The following PVT1 variants were observed in gnomAD, a reference collection of about 807,000 sequenced individuals.
PVT1 encodes CXCR4/PVT1 fusion.
chr8:128,045,850 G>A (rs538100687), intron 4 of PVT1, among the ~76,000 whole-genome samples: 2 of 152,322 alleles, frequency 1.3e-5, no homozygotes, highest in East Asian at 3.9e-4. Context: ...TTCTAAGACT[G>A]GGTTGAAGCT....
intron 3 of PVT1, among the ~76,000 whole-genome samples, chr8:127,923,556 T>G (rs1816090975): frequency 6.6e-6 from 1 of 152,194 alleles, no homozygotes; most frequent in African/African-American, 2.4e-5. Context: ...CAGGATCTTC[T>G]ATTGGCAGAG....
chr8:128,043,478 C>T (rs1156489514), intron 4 of PVT1, among the ~76,000 whole-genome samples: 1 of 152,118 alleles, frequency 6.6e-6, no homozygotes, highest in Non-Finnish European at 1.5e-5. Context: ...TCACAAGATG[C>T]TGTTGCCTAG....
At chr8:127,827,062 C>G (rs1350726734) in intron 2 of PVT1, among the ~76,000 whole-genome samples, 2 of 147,524 alleles carry the variant, frequency 1.4e-5, no homozygotes, top group Non-Finnish European at 3.0e-5. Context: ...GTGGCACCAT[C>G]TTGGCTCACC....
intron 3 of PVT1, among the ~76,000 whole-genome samples, chr8:127,943,435 T>C (rs1275356397): frequency 6.6e-6 from 1 of 152,192 alleles, no homozygotes; most frequent in Non-Finnish European, 1.5e-5. Context: ...ATCAAGACCA[T>C]GAAGAAATTG....
intron 2 of PVT1, among the ~76,000 whole-genome samples, chr8:127,882,196 C>A (rs1462283989): frequency 6.6e-6 from 1 of 152,082 alleles, no homozygotes; most frequent in Admixed American, 6.6e-5. Flanking sequence ...GTGAGTGTGA[C>A]GGGAGCAGGC....
intron 3 of PVT1, among the ~76,000 whole-genome samples, chr8:127,938,576 G>A (rs907288074): frequency 1.3e-5 from 2 of 152,172 alleles, no homozygotes; most frequent in African/African-American, 2.4e-5. Flanking sequence ...GAACGCAAAT[G>A]TAAGATCCCT....
intron 4 of PVT1, among the ~76,000 whole-genome samples, chr8:127,992,304 T>G (rs1041003831): frequency 2.0e-5 from 3 of 152,224 alleles, no homozygotes; most frequent in African/African-American, 7.2e-5. Flanking sequence ...AAGAGTCACT[T>G]GAAACTGGGA....
At chr8:128,032,468 T>C (rs373120100) in intron 4 of PVT1, among the ~76,000 whole-genome samples, 4 of 152,368 alleles carry the variant, frequency 2.6e-5, no homozygotes, top group Non-Finnish European at 4.4e-5. Context: ...CTACCATTCA[T>C]TGAGTTAAGA....
At chr8:127,883,439 A>C (rs1815491871) in intron 2 of PVT1, among the ~76,000 whole-genome samples, 1 of 151,996 alleles carries the variant, frequency 6.6e-6, no homozygotes, top group Non-Finnish European at 1.5e-5. Flanking sequence ...CAGCTAGTGG[A>C]AATACCTGGT....
intron 3 of PVT1, among the ~76,000 whole-genome samples, chr8:127,986,242 T>C (rs1816968996): frequency 6.6e-6 from 1 of 152,166 alleles, no homozygotes; most frequent in African/African-American, 2.4e-5. Context: ...GGAGAACAGA[T>C]GTTAACACAG....
chr8:127,902,425 CT>C (rs777284762), intron 3 of PVT1, among the ~76,000 whole-genome samples: 3,545 of 130,704 alleles, frequency 0.027, 106 homozygotes, highest in African/African-American at 0.071. Flanking sequence ...GTTCTATTTT[CT>C]TTTTTTTTTT....
chr8:127,940,623 G>C, intron 3 of PVT1, among the ~76,000 whole-genome samples: 1 of 151,610 alleles, frequency 6.6e-6, no homozygotes, highest in Non-Finnish European at 1.5e-5. Context: ...GCAGTGTTGA[G>C]ACAGAGTCTT....
At chr8:127,907,497 G>C (rs928079509) in intron 3 of PVT1, among the ~76,000 whole-genome samples, 1 of 152,196 alleles carries the variant, frequency 6.6e-6, no homozygotes, top group Non-Finnish European at 1.5e-5. Flanking sequence ...CATCAGCCGT[G>C]CTGGCCAGCA....
intron 3 of PVT1, among the ~76,000 whole-genome samples, chr8:127,955,345 T>A (rs1340973800): frequency 1.3e-5 from 2 of 152,214 alleles, no homozygotes; most frequent in African/African-American, 4.8e-5. Context: ...AAATTTCTGT[T>A]GTTAAAGCCA....
chr8:127,868,770 CATATATATAT>C (rs869296227), intron 2 of PVT1, among the ~76,000 whole-genome samples: 1 of 504 alleles, frequency 2.0e-3, no homozygotes. Flanking sequence ...TTCCTTTTAA[CATATATATAT>C]ATATATATAT....
intron 4 of PVT1, among the ~76,000 whole-genome samples, chr8:128,056,886 T>C (rs573444563): frequency 1.3e-5 from 2 of 152,302 alleles, no homozygotes; most frequent in East Asian, 3.9e-4. Context: ...TACTCTCTGG[T>C]TAATTCATTT....
chr8:127,846,013 A>T (rs1041677037), intron 2 of PVT1, among the ~76,000 whole-genome samples: 3 of 152,154 alleles, frequency 2.0e-5, no homozygotes, highest in African/African-American at 7.2e-5. Flanking sequence ...GTCAGCCCTG[A>T]GCTGGGTGGT....
intron 3 of PVT1, among the ~76,000 whole-genome samples, chr8:127,911,688 T>A (rs1001086819): frequency 6.6e-6 from 1 of 152,226 alleles, no homozygotes; most frequent in Non-Finnish European, 1.5e-5. Context: ...GGCACAGTCA[T>A]AGAACTAGGG....
intron 4 of PVT1, chr8:128,009,633 C>T (rs1169721564): frequency 6.6e-6 from 1 of 152,224 alleles, no homozygotes; most frequent in Non-Finnish European, 1.5e-5. Flanking sequence ...TCTGTTAACA[C>T]TTGATATACC....
Sources: gnomAD v4.1 joint callset for allele counts (sites outside exome capture counted in the v4.1 genomes callset) on GRCh38, gnomAD v4.1.1 for gene constraint, MANE v1.5 for transcripts, NCBI Gene and HGNC (gene_info 2026-07-23, HGNC 2026-07-21) for gene names.